Variants in ACADS observed in about 807,000 individuals in gnomAD.
The protein encoded by ACADS is short-chain specific acyl-CoA dehydrogenase, mitochondrial.
ACADS carries 28 observed loss-of-function variants against 46.8 expected under a neutral mutation model. The ratio of observed to expected loss-of-function variants is 0.60; its 90% CI spans 0.44 to 0.82. ACADS has a LOEUF of 0.82. Ranked by LOEUF, ACADS falls within the 40% of genes least tolerant of loss-of-function variation. The pLI, the probability that ACADS is intolerant of heterozygous loss-of-function variation, is 0.00. For missense variants in ACADS, 528 were observed against 578.0 expected (o/e 0.91, Z 0.89); for synonymous variants, 236 against 237.7 (o/e 0.99, Z 0.07).
At chr12:120,738,713 G>C in intron 7 of ACADS, 43 bp downstream of exon 7, 1 of 1,609,180 alleles carries the variant, frequency 6.2e-7, no homozygotes. Context: ...AGGCTGGACA[G>C]CGGGCGGAGA....
intron 2 of ACADS, among the ~76,000 whole-genome samples, chr12:120,733,301 A>G (rs1592937149): frequency 6.6e-6 from 1 of 150,556 alleles, no homozygotes; most frequent in South Asian, 2.1e-4. Context: ...GGGTTTTACC[A>G]TGTTGGCCAG....
At chr12:120,727,303 G>C in intron 2 of ACADS, 114 bp downstream of exon 2, 3 of 1,392,730 alleles carry the variant, frequency 2.2e-6, no homozygotes, top group Non-Finnish European at 2.0e-6. Flanking sequence ...CCAAAGCAGG[G>C]CCTGGAACCC....
At chr12:120,726,034 C>T in intron 1 of ACADS, 103 bp downstream of exon 1, 4 of 1,247,746 alleles carry the variant, frequency 3.2e-6, no homozygotes, top group South Asian at 3.1e-5. Flanking sequence ...GCAGGCGGAG[C>T]CCCACTCCGG....
At chr12:120,729,321 G>A (rs575163775) in intron 2 of ACADS, among the ~76,000 whole-genome samples, 116 of 145,942 alleles carry the variant, frequency 7.9e-4, no homozygotes, top group African/African-American at 2.3e-3. Flanking sequence ...GCAGTGGTGC[G>A]ATCTTGGCTC....
intron 2 of ACADS, among the ~76,000 whole-genome samples, chr12:120,731,112 C>T (rs1409631931): frequency 6.6e-6 from 1 of 152,044 alleles, no homozygotes; most frequent in Admixed American, 6.6e-5. Flanking sequence ...ACCGCCATGC[C>T]TGGCTCATTT....
At chr12:120,731,162 G>A (rs1883235613) in intron 2 of ACADS, among the ~76,000 whole-genome samples, 2 of 151,918 alleles carry the variant, frequency 1.3e-5, no homozygotes, top group African/African-American at 4.8e-5. Context: ...TGGGGGTCTC[G>A]CCATGTTGAT....
Position 120,738,526 on chromosome 12 carries a change from C to A in ACADS, c.796-7C>A. The A allele has an allele frequency of 1.2e-6, 2 of 1,608,194 alleles. No homozygotes were observed. Among genetic ancestry groups the A allele is most frequent in the East Asian group, 2.2e-5 (1 of 44,868 alleles). ...TGGCGGGCCACTGACCAGGGCGGTC[C>A]CCACAGCAAACCCTGGACATGGGCC... On this transcript the variant is annotated splice_polypyrimidine_tract_variant and splice_region_variant and intron_variant, in intron 6 of 9. Transcript: ENST00000242592.
In ACADS at chr12:120,738,133, C is replaced by G. The variant is rs779410486; in HGVS notation, c.624+145C>G. On this transcript the variant is annotated intron_variant, in intron 5 of 9. Coordinates refer to ENST00000242592, the MANE Select transcript of ACADS (RefSeq NM_000017.4). ...TGTCCCTCCTCAGCTGCCACTGAAG[C>G]CTGCACCTTCCCCAGAAGCCGGCAG... 2.6e-6 allele frequency: 4 copies of G among 1,567,706 alleles called. No individual in the cohort carries two copies. The Admixed American group carries it at 5.7e-5, about 22-fold the overall frequency.
chr12:120,739,091 A>G, intron 8 of ACADS, 49 bp from the exon 9 acceptor site: 1 of 1,611,840 alleles, frequency 6.2e-7, no homozygotes, highest in Non-Finnish European at 8.5e-7. Flanking sequence ...GGAGCAGGGG[A>G]TGGAGGGGTC....
chr12:120,726,933 A>AGGGCAAAATCCTCCCTGGT (rs1883102135), intron 1 of ACADS, 93 bp from the exon 2 acceptor site: 5 of 1,460,334 alleles, frequency 3.4e-6, no homozygotes, highest in Non-Finnish European at 4.8e-6. Context: ...TGTCCCTTGG[A>AGGGCAAAATCCTCCCTGGT]GGGCAAAATC....
rs751293784 is a variant in ACADS at position 120,737,083 on chromosome 12, A to G, written c.308A>G (p.Glu103Gly). The change falls in exon 3 of 10, where the codon GAG becomes GGG. Residue 103 changes from glutamate to glycine, a missense_variant. Physicochemically the swap from Glu to Gly is moderately conservative, Grantham distance 98. Coordinates refer to ENST00000242592, the MANE Select transcript of ACADS (RefSeq NM_000017.4). ...LDYLAYAIAM[E>G]EISRGCASTG... ...TACCTGGCCTACGCCATCGCCATGGAGGAGATCAGCCGTGGCTGCGCCTCC... is the reference window on the plus strand; with the variant it reads ...TACCTGGCCTACGCCATCGCCATGGGGGAGATCAGCCGTGGCTGCGCCTCC... 1 of 1,601,590 alleles carries G rather than the reference A, an allele frequency of 6.2e-7. No individual in the cohort carries two copies. Among genetic ancestry groups the G allele is most frequent in the Non-Finnish European group, 8.5e-7 (1 of 1,174,124 alleles).
rs374124706 is a variant in ACADS, at chr12:120,727,183, G to A, written c.204G>A (p.Ala68=). 18 of 1,614,160 alleles carry A rather than the reference G, an allele frequency of 1.1e-5. No individual in the cohort carries two copies. The African/African-American group carries it at 1.7e-4, about 16-fold the overall frequency. ...TGGATAAGGAACATCTCTTCCCAGC[G>A]GCTCAGGTGAGAGTGCAACCTCAGC... ...AQVDKEHLFP[A]AQVKKMGGLG... is the part of the protein sequence containing the mutation. Residue 68 remains alanine, a synonymous_variant, in exon 2 of 10, where the codon GCG becomes GCA. Coordinates refer to ENST00000242592, the MANE Select transcript of ACADS (RefSeq NM_000017.4).
At position 120,737,350 on chromosome 12, in the gene ACADS, TC is replaced by T. The variant is rs1377404104; in HGVS notation, c.361-4del. 6.2e-6 allele frequency: 10 copies of T among 1,613,460 alleles called. No homozygotes were observed. In the East Asian group the frequency reaches 2.2e-4, roughly 36 times the overall value. ...GGCCTCCGACCGCTCCCCGCTGTCC[TC>T]CTAGTCTCTCTACCTGGGGCCCATC... On this transcript the variant is annotated splice_polypyrimidine_tract_variant and splice_region_variant and intron_variant, in intron 3 of 9. Coordinates refer to ENST00000242592, the MANE Select transcript of ACADS (RefSeq NM_000017.4).
chr12:120,732,156 C>T (rs1883266490), intron 2 of ACADS, among the ~76,000 whole-genome samples: 1 of 152,264 alleles, frequency 6.6e-6, no homozygotes, highest in Admixed American at 6.5e-5. Flanking sequence ...TTGGGTACAC[C>T]TCCCAGACGG....
At chr12:120,730,145 G>A (rs540399378) in intron 2 of ACADS, among the ~76,000 whole-genome samples, 113 of 152,152 alleles carry the variant, frequency 7.4e-4, no homozygotes, top group African/African-American at 2.2e-3. Context: ...ACCACACCCG[G>A]CTAATTTTTG....
chr12:120,731,218 G>A lies in ACADS; in HGVS notation c.210+4029G>A, dbSNP rs542246695. 1.3e-4 allele frequency among the ~76,000 whole-genome samples: 20 copies of A among 152,140 alleles called. 1 individual carries two copies. The highest frequency in any genetic ancestry group is 3.9e-4 in the East Asian group (2 of 5,182). On this transcript the variant is annotated intron_variant, in intron 2 of 9. Coordinates refer to ENST00000242592, the MANE Select transcript of ACADS (RefSeq NM_000017.4). Reference sequence around the variant, plus strand: ...GGACTCAGATGATCCTCCTACCTCCGTCTCCCAAAGTGCTGGGATTACAGG... The same window carrying A: ...GGACTCAGATGATCCTCCTACCTCCATCTCCCAAAGTGCTGGGATTACAGG...
At chr12:120,737,273 G>A (rs1592939641) in intron 3 of ACADS, 83 bp from the exon 4 acceptor site, 6 of 1,537,570 alleles carry the variant, frequency 3.9e-6, no homozygotes, top group African/African-American at 1.4e-5. Flanking sequence ...GCCCTGGACA[G>A]AACAGGCCCT....
At position 120,739,714 on chromosome 12, in the gene ACADS, G is replaced by T. The variant is rs537512881; in HGVS notation, c.*266G>T. ...CCTCCTGGGGGCGGGGTTGTGGGGG[G>T]GCTGAGCGACACTCAGGGACACCTC... is the stretch of plus-strand genomic sequence containing the variant. On this transcript the variant is annotated 3_prime_UTR_variant, in exon 10 of 10. Coordinates refer to ENST00000242592, the MANE Select transcript of ACADS (RefSeq NM_000017.4). 3.8e-4 allele frequency: 205 copies of T among 541,014 alleles called. No homozygotes were observed. The highest frequency in any genetic ancestry group is 1.2e-3 in the East Asian group (37 of 31,258). 33.5% of individuals were successfully genotyped at this position (541,014 alleles called of 1,614,324 possible).
chr12:120,737,404 C>T lies in ACADS; in HGVS notation c.409C>T (p.Gln137Ter), dbSNP rs752677472. The T allele has an allele frequency of 5.6e-6, 9 of 1,614,078 alleles. No individual in the cohort carries two copies. Among genetic ancestry groups the T allele is most frequent in the African/African-American group, 1.3e-5 (1 of 74,958 alleles). Residue 137 changes from glutamine (Q) to a stop codon, truncating the protein, a stop_gained, in exon 4 of 10, where the codon CAG (glutamine) becomes TAG (stop). Coordinates refer to ENST00000242592, the MANE Select transcript of ACADS (RefSeq NM_000017.4). LOFTEE classifies it high-confidence loss of function. ...GAAGTTTGGCTCCAAGGAGCAGAAG[C>T]AGGCGTGGGTCACGCCTTTCACCAG... ...ILKFGSKEQK[Q>*]AWVTPFTSGD...
Sources: allele counts gnomAD v4.1 joint callset (sites outside exome capture counted in the v4.1 genomes callset), GRCh38; gene constraint gnomAD v4.1.1; transcripts MANE v1.5; gene names NCBI Gene and HGNC (gene_info 2026-07-23, HGNC 2026-07-21).